The following MICU1 variants were observed in gnomAD, a reference collection of about 807,000 sequenced individuals.
MICU1 encodes mitochondrial calcium uptake 1.
In MICU1, 45 loss-of-function variants were observed where a neutral mutation model predicts 56.8. The ratio of observed to expected loss-of-function variants is 0.79; its 90% confidence interval spans 0.62 to 1.02. The LOEUF is 1.02. Ranked by LOEUF, MICU1 falls within the 50% of genes least tolerant of loss-of-function variation. The pLI is 0.00. For missense variants in MICU1, 504 were observed against 587.1 expected, an observed-to-expected ratio of 0.86 and a Z score of 1.46; for synonymous variants, 186 against 195.1, an observed-to-expected ratio of 0.95 and a Z score of 0.39.
At chr10:72,456,952 T>TGTGTGTGG (rs1450568510) in intron 8 of MICU1, among the ~76,000 whole-genome samples, 11 of 117,598 alleles carry the variant, frequency 9.4e-5, no homozygotes, top group African/African-American at 5.8e-4. Context: ...CCCAGGTGTG[T>TGTGTGTGG]GTGTGTGTGT....
At chr10:72,512,555 G>A (rs1435168041) in intron 5 of MICU1, among the ~76,000 whole-genome samples, 1 of 152,114 alleles carries the variant, frequency 6.6e-6, no homozygotes, top group Non-Finnish European at 1.5e-5. Flanking sequence ...TATGCTCAAA[G>A]ACATTTAGGT....
chr10:72,467,240 A>G (rs1171013765), intron 8 of MICU1, among the ~76,000 whole-genome samples: 1 of 152,000 alleles, frequency 6.6e-6, no homozygotes, highest in Non-Finnish European at 1.5e-5. Flanking sequence ...CTGGAGTACA[A>G]TGGTGCAATC....
chr10:72,595,613 T>C lies in MICU1; in HGVS notation c.-1-28819A>G, dbSNP rs562610811. Among the ~76,000 whole-genome samples the C allele has an allele frequency of 1.2e-3, 185 of 152,234 alleles. 1 individual carries two copies. The highest frequency in any genetic ancestry group is 4.0e-3 in the African/African-American group (166 of 41,556). On this transcript the variant is annotated intron_variant, in intron 1 of 11. Transcript: ENST00000361114. ...CATTCATGCCAATCTAAACAACCAC[T>C]TCTTCCACACTTCTGACTACTTTCC...
intron 1 of MICU1, among the ~76,000 whole-genome samples, chr10:72,613,899 C>CTTT (rs1418233571): frequency 6.6e-6 from 1 of 152,150 alleles, no homozygotes; most frequent in Non-Finnish European, 1.5e-5. Flanking sequence ...AATCCCAGCA[C>CTTT]TTTGGGAGGC....
chr10:72,423,798 A>G (rs1361030925), intron 8 of MICU1, among the ~76,000 whole-genome samples: 3 of 152,238 alleles, frequency 2.0e-5, no homozygotes, highest in African/African-American at 7.2e-5. Flanking sequence ...TTTAAAGATA[A>G]TAATATTGAT....
intron 9 of MICU1, among the ~76,000 whole-genome samples, chr10:72,419,754 G>C (rs941528243): frequency 6.6e-6 from 1 of 152,184 alleles, no homozygotes; most frequent in Non-Finnish European, 1.5e-5. Flanking sequence ...GTAAGGTTAA[G>C]TGATTTGTCT....
intron 6 of MICU1, among the ~76,000 whole-genome samples, chr10:72,489,010 C>T (rs1474256607): frequency 1.3e-5 from 2 of 152,092 alleles, no homozygotes; most frequent in Admixed American, 6.6e-5. Context: ...CTTACAAGGC[C>T]GGGCACTGTA....
At chr10:72,505,830 G>C (rs1252752284) in intron 6 of MICU1, among the ~76,000 whole-genome samples, 2 of 152,040 alleles carry the variant, frequency 1.3e-5, no homozygotes, top group African/African-American at 2.4e-5. Context: ...AGCGGGAGGG[G>C]GACAAGGGCT....
chr10:72,585,564 G>A (rs764695715), intron 1 of MICU1, among the ~76,000 whole-genome samples: 13 of 151,432 alleles, frequency 8.6e-5, no homozygotes, highest in Admixed American at 4.6e-4. Context: ...GCATGGTGGC[G>A]TGTGCCTGTA....
chr10:72,507,162 CAAA>C (rs796970471), intron 6 of MICU1, among the ~76,000 whole-genome samples: 1 of 126,020 alleles, frequency 7.9e-6, no homozygotes. Context: ...TGTCCCAGAC[CAAA>C]AAAAAAAAAA....
At chr10:72,577,106 T>A (rs564333123) in intron 1 of MICU1, among the ~76,000 whole-genome samples, 152 of 152,246 alleles carry the variant, frequency 1.0e-3, no homozygotes, top group Middle Eastern at 6.8e-3. Flanking sequence ...TATTCTATGT[T>A]CTCACTAATA....
chr10:72,567,079 T>C (rs866249174), intron 1 of MICU1, among the ~76,000 whole-genome samples: 10 of 152,174 alleles, frequency 6.6e-5, no homozygotes, highest in Non-Finnish European at 1.5e-4. Flanking sequence ...GCCAGGTATG[T>C]GGCTCATGCC....
chr10:72,519,663 TAA>T (rs1397867349), intron 5 of MICU1, among the ~76,000 whole-genome samples: 1 of 152,204 alleles, frequency 6.6e-6, no homozygotes, highest in African/African-American at 2.4e-5. Context: ...TCATGAGCGC[TAA>T]GTGTGCTCAA....
intron 9 of MICU1, among the ~76,000 whole-genome samples, chr10:72,420,850 A>AT (rs1285408242): frequency 2.7e-5 from 4 of 149,278 alleles, no homozygotes; most frequent in African/African-American, 9.9e-5. Flanking sequence ...TAGTTTTTGT[A>AT]TTTTTTGTGG....
chr10:72,555,115 C>T (rs1317301976), intron 3 of MICU1, among the ~76,000 whole-genome samples: 1 of 152,136 alleles, frequency 6.6e-6, no homozygotes, highest in Non-Finnish European at 1.5e-5. Context: ...AGGAAGAACT[C>T]TGAATAGTAA....
chr10:72,444,320 T>C (rs1054727609), intron 8 of MICU1, among the ~76,000 whole-genome samples: 10 of 151,886 alleles, frequency 6.6e-5, no homozygotes, highest in African/African-American at 2.4e-4. Context: ...CATGTATACA[T>C]ATCTAACTAA....
At chr10:72,426,399 T>A (rs930315528) in intron 8 of MICU1, among the ~76,000 whole-genome samples, 1 of 135,672 alleles carries the variant, frequency 7.4e-6, no homozygotes, top group East Asian at 2.1e-4. Context: ...GCATTCTGGA[T>A]TTTTTTTTTT....
At chr10:72,502,411 C>T (rs904915202) in intron 6 of MICU1, among the ~76,000 whole-genome samples, 2 of 152,282 alleles carry the variant, frequency 1.3e-5, no homozygotes, top group Middle Eastern at 6.8e-3. Flanking sequence ...CCACCTCAGC[C>T]TCCCAAAGTG....
At chr10:72,459,310 G>A (rs1185159229) in intron 8 of MICU1, among the ~76,000 whole-genome samples, 5 of 152,090 alleles carry the variant, frequency 3.3e-5, no homozygotes, top group South Asian at 2.1e-4. Flanking sequence ...CAGCCTGGGC[G>A]GCAGAGCGAG....
Sources: gnomAD v4.1 joint callset for allele counts (sites outside exome capture counted in the v4.1 genomes callset) on GRCh38, gnomAD v4.1.1 for gene constraint, MANE v1.5 for transcripts, NCBI Gene and HGNC (gene_info 2026-07-23, HGNC 2026-07-21) for gene names.